Variants in CDIP1 observed in about 807,000 individuals in gnomAD.
CDIP1 encodes cell death inducing p53 target 1.
Under a neutral mutation model 17.7 loss-of-function variants are expected in CDIP1, and 9 were observed. The observed-to-expected ratio is 0.51, with a 90% CI of 0.31 to 0.89. CDIP1 has a LOEUF of 0.89. Among genes scored for constraint, CDIP1 ranks in the 40% least tolerant of loss-of-function variants. The pLI is 0.05. For missense variants in CDIP1, 263 were observed against 277.9 expected, an observed-to-expected ratio of 0.95 and a Z score of 0.38; for synonymous variants, 117 against 109.5, an observed-to-expected ratio of 1.07 and a Z score of -0.43.
chr16:4,514,164 C>A lies in CDIP1; in HGVS notation c.-14-20G>T. 1 of 1,399,514 alleles carries A rather than the reference C, an allele frequency of 7.1e-7. No homozygotes were observed. The highest frequency in any genetic ancestry group is 9.7e-7 in the Non-Finnish European group (1 of 1,034,404). 86.7% of individuals were successfully genotyped at this position (1,399,514 alleles called of 1,614,324 possible). On this transcript the variant is annotated intron_variant, in intron 2 of 5. Coordinates refer to ENST00000567695, the MANE Select transcript of CDIP1 (RefSeq NM_013399.3). The surrounding 1 kb of genome is among the most constrained non-coding windows in gnomAD (Gnocchi z 5.2). ...CTTCTCCTGGACATGGAGGGAAAACCCAGACATGAACTAAGCTCCCAGCCA... is the reference window on the plus strand; with the variant it reads ...CTTCTCCTGGACATGGAGGGAAAACACAGACATGAACTAAGCTCCCAGCCA...
chr16:4,513,326 G>A lies in CDIP1; in HGVS notation c.242-262C>T, dbSNP rs1053234442. Reference sequence around the variant, plus strand: ...TGGCAGAGAGCCAGGCACATGGCCCGGTCCCTCTGCTCCTCTGTCTGTCTC... The same window carrying A: ...TGGCAGAGAGCCAGGCACATGGCCCAGTCCCTCTGCTCCTCTGTCTGTCTC... On this transcript the variant is annotated intron_variant, in intron 4 of 5. Coordinates refer to ENST00000567695, the MANE Select transcript of CDIP1 (RefSeq NM_013399.3). This position sits in a 1 kb window ranked among gnomAD's most constrained non-coding sequence, Gnocchi z 4.1. Among the ~76,000 whole-genome samples the A allele has an allele frequency of 1.3e-5, 2 of 152,050 alleles. No homozygotes were observed. The highest frequency in any genetic ancestry group is 2.4e-5 in the African/African-American group (1 of 41,334).
Position 4,512,332 on chromosome 16 carries a change from C to G in CDIP1, c.*240G>C. On this transcript the variant is annotated 3_prime_UTR_variant, in exon 6 of 6. Transcript: ENST00000567695. The surrounding 1 kb of genome is among the most constrained non-coding windows in gnomAD (Gnocchi z 4.6). The stretch of plus-strand genomic sequence containing the variant: ...CGATCACACACACCAAGCAGACCAA[C>G]AACACACAAGCTCATTGTCAGCCCC... The G allele has an allele frequency of 1.7e-6, 1 of 584,736 alleles. No homozygotes were observed. Among genetic ancestry groups the G allele is most frequent in the Admixed American group, 3.0e-5 (1 of 33,652 alleles). 36.2% of individuals were successfully genotyped at this position (584,736 alleles called of 1,614,324 possible). A position where few individuals can be genotyped will look rare whatever the true frequency, so the allele number is the denominator to read the frequency against.
At chr16:4,528,017 T>C (rs1284317916) in intron 1 of CDIP1, among the ~76,000 whole-genome samples, 1 of 152,204 alleles carries the variant, frequency 6.6e-6, no homozygotes, top group Admixed American at 6.5e-5. Flanking sequence ...GGTTTCACCA[T>C]GTTGGCCAGG....
chr16:4,525,551 C>A (rs928746528), intron 1 of CDIP1, among the ~76,000 whole-genome samples: 12 of 152,230 alleles, frequency 7.9e-5, no homozygotes, highest in African/African-American at 2.2e-4. Flanking sequence ...CTCTCCACTC[C>A]CCTCTCCACC....
rs746019848 is a variant in CDIP1, at chr16:4,513,644, A to G, written c.241+52T>C. On this transcript the variant is annotated intron_variant, in intron 4 of 5. Transcript: ENST00000567695. The surrounding 1 kb of genome is among the most constrained non-coding windows in gnomAD (Gnocchi z 4.1). ...GTACTGAGGACAGCCAGCGCAGGCC[A>G]GACAGCAGCCAGGAGTTCCCCATGC... 2 of 1,544,446 alleles carry G rather than the reference A, an allele frequency of 1.3e-6. No homozygotes were observed. Among genetic ancestry groups the G allele is most frequent in the African/African-American group, 1.4e-5 (1 of 73,400 alleles).
At position 4,513,776 on chromosome 16, in the gene CDIP1, T is replaced by C. The variant is rs752238280; in HGVS notation, c.161A>G (p.Tyr54Cys). Residue 54 changes from tyrosine to cysteine, a missense_variant, in exon 4 of 6, where the codon TAT (tyrosine) becomes TGT (cysteine). Physicochemically the swap from Tyr to Cys is radical, Grantham distance 194 (BLOSUM62 -2). Transcript: ENST00000567695. The surrounding 1 kb of genome is among the most constrained non-coding windows in gnomAD (Gnocchi z 4.1). ...GGGCATTGGGTGACCCGGCGGCTCATAGGGTGGGGGGCCAATGTCCGCAGG... is the reference window on the plus strand; with the variant it reads ...GGGCATTGGGTGACCCGGCGGCTCACAGGGTGGGGGGCCAATGTCCGCAGG... Reference protein sequence around the residue: ...LPPADIGPPPYEPPGHPMPQP... With the variant: ...LPPADIGPPPCEPPGHPMPQP... 3 of 1,610,416 alleles carry C rather than the reference T, an allele frequency of 1.9e-6. No homozygotes were observed. The highest frequency in any genetic ancestry group is 2.2e-5 in the South Asian group (2 of 90,874).
At position 4,513,068 on chromosome 16, in the gene CDIP1, G is replaced by T; in HGVS notation, c.242-4C>A. The stretch of plus-strand genomic sequence containing the variant: ...GGGCCTGGAGGAGGGTAGAAACCTG[G>T]AATGGCACAGAAGATGGAGGCGAGA... On this transcript the variant is annotated splice_polypyrimidine_tract_variant and splice_region_variant and intron_variant, in intron 4 of 5. Coordinates refer to ENST00000567695, the MANE Select transcript of CDIP1 (RefSeq NM_013399.3). This position sits in a 1 kb window ranked among gnomAD's most constrained non-coding sequence, Gnocchi z 4.1. 8 of 1,582,162 alleles carry T rather than the reference G, an allele frequency of 5.1e-6. No individual in the cohort carries two copies. Among genetic ancestry groups the T allele is most frequent in the Non-Finnish European group, 6.8e-6 (8 of 1,168,798 alleles).
intron 1 of CDIP1, among the ~76,000 whole-genome samples, chr16:4,528,320 C>G (rs1245809734): frequency 1.3e-5 from 2 of 152,182 alleles, no homozygotes; most frequent in Non-Finnish European, 2.9e-5. Flanking sequence ...CTCAAGCTAT[C>G]CTCCAGCCTC....
At chr16:4,530,717 T>C (rs2059047832) in intron 1 of CDIP1, among the ~76,000 whole-genome samples, 1 of 151,574 alleles carries the variant, frequency 6.6e-6, no homozygotes, top group South Asian at 2.1e-4. Context: ...GGCTCAGGAC[T>C]GTAATCTCAG....
intron 1 of CDIP1, chr16:4,515,031 A>C (rs561010306): frequency 6.6e-6 from 1 of 152,496 alleles, no homozygotes; most frequent in Non-Finnish European, 1.5e-5. Context: ...GTCAAGTGAA[A>C]TCTTTTCCCT....
At position 4,512,792 on chromosome 16, in the gene CDIP1, C is replaced by G. The variant is rs1298235933; in HGVS notation, c.514G>C (p.Gly172Arg). 2 of 1,582,146 alleles carry G rather than the reference C, an allele frequency of 1.3e-6. No homozygotes were observed. The highest frequency in any genetic ancestry group is 1.3e-5 in the African/African-American group (1 of 74,232). Reference protein sequence around the residue: ...FVLGFFCCFMGCDLGCCLIPC... With the variant: ...FVLGFFCCFMRCDLGCCLIPC... ...CCTACCAGTGCCCACACCACCTACC[C>G]CATGAAGCAACAGAAGAAACCCAGC... Residue 172 changes from glycine to arginine, a missense_variant and splice_region_variant, in exon 5 of 6, where the codon GGA (glycine) becomes CGA (arginine). Physicochemically the swap from Gly to Arg is moderately radical, Grantham distance 125. Transcript: ENST00000567695. This position sits in a 1 kb window ranked among gnomAD's most constrained non-coding sequence, Gnocchi z 4.6.
At chr16:4,528,565 C>G (rs2059023785) in intron 1 of CDIP1, among the ~76,000 whole-genome samples, 1 of 150,896 alleles carries the variant, frequency 6.6e-6, no homozygotes, top group Non-Finnish European at 1.5e-5. Context: ...GCCTATAATC[C>G]CAGTTACTTG....
intron 1 of CDIP1, among the ~76,000 whole-genome samples, chr16:4,526,919 C>G (rs2141650948): frequency 6.6e-6 from 1 of 151,996 alleles, no homozygotes; most frequent in African/African-American, 2.4e-5. Flanking sequence ...GCCCTGCCAC[C>G]TGACTCTCCA....
At chr16:4,522,965 G>GAT (rs1216140752) in intron 1 of CDIP1, among the ~76,000 whole-genome samples, 1 of 152,194 alleles carries the variant, frequency 6.6e-6, no homozygotes, top group Non-Finnish European at 1.5e-5. Flanking sequence ...GTAAGGCATG[G>GAT]ATATAAAAAC....
intron 1 of CDIP1, among the ~76,000 whole-genome samples, chr16:4,521,765 C>A (rs2058952037): frequency 6.6e-6 from 1 of 150,936 alleles, no homozygotes; most frequent in South Asian, 2.1e-4. Context: ...CAAACCCAGA[C>A]CCCCAAGACC....
chr16:4,512,589 A>C lies in CDIP1; in HGVS notation c.610T>G (p.Tyr204Asp), dbSNP rs1300730498. 9 of 1,613,352 alleles carry C rather than the reference A, an allele frequency of 5.6e-6. No homozygotes were observed. The highest frequency in any genetic ancestry group is 2.2e-5 in the South Asian group (2 of 91,056). ...CAGCTCCGTTAGCACAGGCGCTTGT[A>C]CGTGTAGATGTAGGCTTTGCAGCTG... ...CPSCKAYIYT[Y>D]KRLC The change falls in exon 6 of 6, where the codon TAC becomes GAC. Residue 204 changes from tyrosine (Y) to aspartate (D), a missense_variant. Transcript: ENST00000567695. This position sits in a 1 kb window ranked among gnomAD's most constrained non-coding sequence, Gnocchi z 4.6.
In CDIP1 at chr16:4,513,867, C is replaced by T. The variant is rs761285379; in HGVS notation, c.86-16G>A. 2 of 1,545,308 alleles carry T rather than the reference C, an allele frequency of 1.3e-6. No homozygotes were observed. The highest frequency in any genetic ancestry group is 4.6e-5 in the East Asian group (2 of 43,524). On this transcript the variant is annotated splice_polypyrimidine_tract_variant and intron_variant, in intron 3 of 5. Coordinates refer to ENST00000567695, the MANE Select transcript of CDIP1 (RefSeq NM_013399.3). The surrounding 1 kb of genome is among the most constrained non-coding windows in gnomAD (Gnocchi z 4.1). Reference sequence around the variant, plus strand: ...GAGGAACGGCCTGGACAGAGAGAGGCAGAAAGAGGAGACTGAGCTGGAGCC... The same window carrying T: ...GAGGAACGGCCTGGACAGAGAGAGGTAGAAAGAGGAGACTGAGCTGGAGCC...
chr16:4,522,747 G>A (rs1014115831), intron 1 of CDIP1, among the ~76,000 whole-genome samples: 1 of 152,220 alleles, frequency 6.6e-6, no homozygotes, highest in African/African-American at 2.4e-5. Flanking sequence ...GGGCCTCAGG[G>A]AAGATGCTCT....
chr16:4,524,727 T>C (rs150294714), intron 1 of CDIP1, among the ~76,000 whole-genome samples: 1 of 152,332 alleles, frequency 6.6e-6, no homozygotes, highest in East Asian at 1.9e-4. Context: ...CTCCCACATC[T>C]TCCACATGAG....
Sources: allele counts gnomAD v4.1 joint callset (sites outside exome capture counted in the v4.1 genomes callset), GRCh38; gene constraint gnomAD v4.1.1; non-coding constraint Gnocchi (gnomAD v3.1); transcripts MANE v1.5; gene names NCBI Gene and HGNC (gene_info 2026-07-23, HGNC 2026-07-21).